The following CFAP20DC variants were observed in gnomAD, a reference collection of about 807,000 sequenced individuals.
The protein encoded by CFAP20DC is CFAP20 domain containing, also known as protein CFAP20DC.
In CFAP20DC, 84 loss-of-function variants were observed where a neutral mutation model predicts 101.7. That is an observed-to-expected ratio of 0.83 (90% CI 0.69 to 0.99). CFAP20DC has a LOEUF of 0.99. Among genes scored for constraint, CFAP20DC ranks in the 50% least tolerant of loss-of-function variants. The pLI, the probability that CFAP20DC is intolerant of heterozygous loss-of-function variation, is 0.00. For synonymous variants in CFAP20DC, 359 were observed against 351.2 expected, an observed-to-expected ratio of 1.02 and a Z score of -0.25; for missense variants, 1,007 against 970.3, an observed-to-expected ratio of 1.04 and a Z score of -0.50.
intron 6 of CFAP20DC, among the ~76,000 whole-genome samples, chr3:58,904,504 T>C (rs2083425356): frequency 6.6e-6 from 1 of 152,110 alleles, no homozygotes; most frequent in African/African-American, 2.4e-5. Context: ...CAGGAAGGTA[T>C]AGAAATAGAG....
intron 15 of CFAP20DC, among the ~76,000 whole-genome samples, chr3:58,771,516 C>G (rs2070843274): frequency 6.6e-6 from 1 of 152,116 alleles, no homozygotes; most frequent in Admixed American, 6.6e-5. Flanking sequence ...GGGATCGGAA[C>G]AAGCTACCCC....
intron 15 of CFAP20DC, among the ~76,000 whole-genome samples, chr3:58,783,973 AC>A (rs1239408538): frequency 6.6e-6 from 1 of 152,050 alleles, no homozygotes; most frequent in African/African-American, 2.4e-5. Context: ...AGCATGGTAC[AC>A]AATAGTTCTT....
At chr3:58,893,234 C>T (rs550749660) in intron 6 of CFAP20DC, among the ~76,000 whole-genome samples, 165 of 151,992 alleles carry the variant, frequency 1.1e-3, no homozygotes, top group African/African-American at 3.7e-3. Context: ...TTAGTAGAGA[C>T]GGGGTTTCAC....
At chr3:58,872,163 C>A (rs2080282083) in intron 7 of CFAP20DC, among the ~76,000 whole-genome samples, 1 of 152,168 alleles carries the variant, frequency 6.6e-6, no homozygotes, top group Non-Finnish European at 1.5e-5. Flanking sequence ...CTGTGACCCA[C>A]CTGTAAGACA....
intron 16 of CFAP20DC, among the ~76,000 whole-genome samples, chr3:58,747,273 C>A (rs1222472227): frequency 6.6e-6 from 1 of 152,098 alleles, no homozygotes; most frequent in African/African-American, 2.4e-5. Flanking sequence ...ACGGCAATAA[C>A]AGAAGAAAAA....
chr3:58,933,923 G>C (rs2087115707), intron 5 of CFAP20DC, among the ~76,000 whole-genome samples: 1 of 151,806 alleles, frequency 6.6e-6, no homozygotes, highest in Non-Finnish European at 1.5e-5. Flanking sequence ...ACTAAAATCA[G>C]AGCAGAACTG....
chr3:58,919,916 G>C (rs536025677), intron 5 of CFAP20DC, among the ~76,000 whole-genome samples: 99 of 151,990 alleles, frequency 6.5e-4, no homozygotes, highest in Middle Eastern at 3.4e-3. Flanking sequence ...AGATTCCTTA[G>C]AATTGTTTAC....
intron 15 of CFAP20DC, among the ~76,000 whole-genome samples, chr3:58,772,976 T>C (rs1265906419): frequency 6.6e-6 from 1 of 152,116 alleles, no homozygotes; most frequent in African/African-American, 2.4e-5. Flanking sequence ...GACTTATTTT[T>C]TACTTTCTAC....
chr3:58,994,368 T>C (rs149929756), intron 4 of CFAP20DC, among the ~76,000 whole-genome samples: 2 of 152,276 alleles, frequency 1.3e-5, no homozygotes, highest in East Asian at 3.9e-4. Flanking sequence ...GCTGGATAAG[T>C]GGGGCATTAC....
intron 15 of CFAP20DC, among the ~76,000 whole-genome samples, chr3:58,759,204 T>C (rs1170686951): frequency 6.6e-6 from 1 of 152,090 alleles, no homozygotes; most frequent in Admixed American, 6.5e-5. Context: ...CACCTGTTGT[T>C]TCCTGACTTT....
chr3:58,895,644 T>C (rs2082605502), intron 6 of CFAP20DC, among the ~76,000 whole-genome samples: 1 of 152,238 alleles, frequency 6.6e-6, no homozygotes, highest in African/African-American at 2.4e-5. Flanking sequence ...CAAAGTTGTT[T>C]CTACATTTTC....
intron 12 of CFAP20DC, among the ~76,000 whole-genome samples, chr3:58,856,779 T>C (rs983005621): frequency 9.2e-5 from 14 of 152,162 alleles, no homozygotes; most frequent in South Asian, 6.2e-4. Context: ...AGTTCTAAGA[T>C]GGTATTGGTA....
intron 15 of CFAP20DC, among the ~76,000 whole-genome samples, chr3:58,797,296 A>C (rs979633773): frequency 1.3e-5 from 2 of 152,222 alleles, no homozygotes; most frequent in South Asian, 2.1e-4. Flanking sequence ...ACTCCAGAGA[A>C]CACACAAATG....
At chr3:59,010,753 T>C (rs968811617) in intron 4 of CFAP20DC, among the ~76,000 whole-genome samples, 15 of 152,204 alleles carry the variant, frequency 9.9e-5, no homozygotes, top group Non-Finnish European at 1.9e-4. Flanking sequence ...AAATGCAGGA[T>C]ATACATTCTG....
chr3:58,749,828 A>G (rs1183412000), intron 16 of CFAP20DC, among the ~76,000 whole-genome samples: 2 of 152,242 alleles, frequency 1.3e-5, no homozygotes, highest in Non-Finnish European at 2.9e-5. Flanking sequence ...TTCATTTTCA[A>G]AAGGTCATTT....
rs1396368679 is a variant in CFAP20DC at position 58,870,745 on chromosome 3, A to G, written c.716-436T>C. Among the ~76,000 whole-genome samples the G allele has an allele frequency of 5.3e-4, 78 of 147,254 alleles. No homozygotes were observed. The East Asian group carries it at 6.9e-3, about 13-fold the overall frequency. Reference sequence around the variant, plus strand: ...CTACTAAAAATACAAAAAATTAGCCAGGCGCGGTGGCGGGCGCCTGTAGTC... The same window carrying G: ...CTACTAAAAATACAAAAAATTAGCCGGGCGCGGTGGCGGGCGCCTGTAGTC... On this transcript the variant is annotated intron_variant, in intron 7 of 16. Transcript: ENST00000482387.
rs1488223529 is a variant in CFAP20DC at position 59,007,428 on chromosome 3, C to G, written c.278+32129G>C. Reference sequence around the variant, plus strand: ...CACCACCTCCTGGCTGGAGGCCAACCAACTCAAGCCATTACAGCAACTCAT... The same window carrying G: ...CACCACCTCCTGGCTGGAGGCCAACGAACTCAAGCCATTACAGCAACTCAT... On this transcript the variant is annotated intron_variant, in intron 4 of 16. Coordinates refer to ENST00000482387, the MANE Select transcript of CFAP20DC (RefSeq NM_001394063.1). The surrounding 1 kb of genome is among the most constrained non-coding windows in gnomAD (Gnocchi z 4.4). 1.3e-5 allele frequency among the ~76,000 whole-genome samples: 2 copies of G among 152,184 alleles called. No homozygotes were observed. Among genetic ancestry groups the G allele is most frequent in the Non-Finnish European group, 2.9e-5 (2 of 68,034 alleles).
intron 14 of CFAP20DC, among the ~76,000 whole-genome samples, chr3:58,825,188 GC>G (rs1214036865): frequency 6.6e-6 from 1 of 152,064 alleles, no homozygotes; most frequent in Non-Finnish European, 1.5e-5. Flanking sequence ...CAGAATCTCT[GC>G]TTACTCTTTC....
At chr3:58,800,683 T>C (rs1199923285) in intron 15 of CFAP20DC, among the ~76,000 whole-genome samples, 1 of 152,174 alleles carries the variant, frequency 6.6e-6, no homozygotes, top group African/African-American at 2.4e-5. Context: ...CTATTCCAAA[T>C]GTTACCAGTG....
Sources: allele counts gnomAD v4.1 joint callset (sites outside exome capture counted in the v4.1 genomes callset), GRCh38; gene constraint gnomAD v4.1.1; non-coding constraint Gnocchi (gnomAD v3.1); transcripts MANE v1.5; gene names NCBI Gene and HGNC (gene_info 2026-07-23, HGNC 2026-07-21).